PKHD1L1: variants seen among roughly 807,000 people sequenced by gnomAD.
The protein encoded by PKHD1L1 is PKHD1 like 1.
In PKHD1L1, 434 loss-of-function variants were observed where a neutral mutation model predicts 462.9. The ratio of observed to expected loss-of-function variants is 0.94; its 90% confidence interval spans 0.87 to 1.02. The LOEUF is 1.02. PKHD1L1 is among the 50% of genes least tolerant of loss of function. PKHD1L1 has a pLI of 0.00. For synonymous variants in PKHD1L1, 1,781 were observed against 1,750.0 expected (o/e 1.02, Z -0.44); for missense variants, 5,202 against 5,096.1 (o/e 1.02, Z -0.63).
At chr8:109,431,308 T>C (rs749518307) in intron 27 of PKHD1L1, among the ~76,000 whole-genome samples, 2 of 151,714 alleles carry the variant, frequency 1.3e-5, no homozygotes, top group Non-Finnish European at 2.9e-5. Context: ...TAAAGAAAAC[T>C]ACAAAAATAC....
intron 68 of PKHD1L1, among the ~76,000 whole-genome samples, chr8:109,505,868 G>A (rs1484599552): frequency 6.6e-6 from 1 of 152,202 alleles, no homozygotes; most frequent in East Asian, 1.9e-4. Flanking sequence ...TCACACCACT[G>A]CACTTCAGCT....
rs904734551 is a variant in PKHD1L1, at chr8:109,403,943, T to A, written c.1374-611T>A. On this transcript the variant is annotated intron_variant, in intron 14 of 77. Transcript: ENST00000378402. ...TGCTCAGTGAAGGCACTACCTTGGG[T>A]ACACAGTAGGATGAGGGGCAGGAGA... is the stretch of plus-strand genomic sequence containing the variant. Among the ~76,000 whole-genome samples the A allele has an allele frequency of 7.2e-5, 11 of 152,090 alleles. 1 individual carries two copies. The highest frequency in any genetic ancestry group is 6.6e-4 in the Admixed American group (10 of 15,234).
rs369578439 is a variant in PKHD1L1, at chr8:109,491,061, G to A, written c.10074G>A (p.Leu3358=). 2 of 1,609,606 alleles carry A rather than the reference G, an allele frequency of 1.2e-6. No homozygotes were observed. The highest frequency in any genetic ancestry group is 3.3e-5 in the Admixed American group (2 of 59,858). Residue 3358 remains leucine (L), a synonymous_variant, in exon 61 of 78, where the codon TTG becomes TTA. Transcript: ENST00000378402. ...PAIGVFGTDG[L]DIDDNIIHFT... ...TTGGTGTATTTGGGACAGATGGATT[G>A]GACATAGATGACAACATCATTCACT...
At chr8:109,497,122 A>G (rs368838260) in intron 64 of PKHD1L1, 28 bp from the exon 65 acceptor site, 1 of 1,613,238 alleles carries the variant, frequency 6.2e-7, no homozygotes, top group Non-Finnish European at 8.5e-7. Context: ...TGTCCTTAGT[A>G]TTATGTAACC....
At chr8:109,521,874 C>A (rs925887332) in intron 73 of PKHD1L1, among the ~76,000 whole-genome samples, 3 of 152,034 alleles carry the variant, frequency 2.0e-5, no homozygotes, top group Non-Finnish European at 4.4e-5. Flanking sequence ...CATTGGTAAA[C>A]AAAGATTGGT....
chr8:109,526,906 T>A lies in PKHD1L1; in HGVS notation c.12607T>A (p.Ser4203Thr). 6.2e-7 allele frequency: 1 copy of A among 1,613,208 alleles called. No homozygotes were observed. Among genetic ancestry groups the A allele is most frequent in the Non-Finnish European group, 8.5e-7 (1 of 1,179,592 alleles). ...CAGCAGCAGCAGCAACAGCAAAGCA[T>A]CAACTGTGGGTACATATGCCCAGAT... is the stretch of plus-strand genomic sequence containing the variant. ...GSSSSSNSKA[S>T]TVGTYAQIMT... is the part of the protein sequence containing the mutation. The change falls in exon 77 of 78, where the codon TCA becomes ACA. Residue 4203 changes from serine (S) to threonine (T), a missense_variant. By Grantham distance (58) the Ser-to-Thr change is moderately conservative. Around this residue, in one of 3 missense-constraint regions of PKHD1L1, gnomAD observed 698 missense variants for 736.3 expected, o/e 0.95. Transcript: ENST00000378402.
At chr8:109,371,113 CCCA>C (rs1258192917) in intron 2 of PKHD1L1, among the ~76,000 whole-genome samples, 1 of 152,206 alleles carries the variant, frequency 6.6e-6, no homozygotes, top group Non-Finnish European at 1.5e-5. Context: ...AGTTTACACT[CCCA>C]CCAACAGTGT....
chr8:109,374,834 T>C (rs1436743808), intron 2 of PKHD1L1, among the ~76,000 whole-genome samples: 1 of 152,212 alleles, frequency 6.6e-6, no homozygotes, highest in Non-Finnish European at 1.5e-5. Flanking sequence ...TGGCCCCCAC[T>C]CTCTTCTGGC....
intron 60 of PKHD1L1, 140 bp from the exon 61 acceptor site, chr8:109,490,832 G>A: frequency 5.9e-6 from 4 of 680,308 alleles, no homozygotes; most frequent in Non-Finnish European, 8.7e-6. Context: ...AAGACTTATG[G>A]AGAAATCATC....
intron 57 of PKHD1L1, among the ~76,000 whole-genome samples, chr8:109,483,916 A>G (rs1007161660): frequency 3.3e-5 from 5 of 151,812 alleles, no homozygotes; most frequent in South Asian, 2.1e-4. Flanking sequence ...CTCATAAACT[A>G]TGCACAAGCC....
chr8:109,482,892 CATA>C (rs1390191976), intron 56 of PKHD1L1, 92 bp from the exon 57 acceptor site: 2 of 722,880 alleles, frequency 2.8e-6, no homozygotes, highest in Non-Finnish European at 4.2e-6. Context: ...TGTTTAATCA[CATA>C]ATAAAATATA....
chr8:109,518,164 T>C lies in PKHD1L1; in HGVS notation c.11690-3T>C, dbSNP rs773151456. 6.5e-7 allele frequency: 1 copy of C among 1,547,518 alleles called. No homozygotes were observed. The highest frequency in any genetic ancestry group is 8.9e-7 in the Non-Finnish European group (1 of 1,128,888). ...GTGATGTTCTGGCTTTTTTCCTTCATAGACCAATTCCTTCCTAACCTGGAT... is the reference window on the plus strand; with the variant it reads ...GTGATGTTCTGGCTTTTTTCCTTCACAGACCAATTCCTTCCTAACCTGGAT... On this transcript the variant is annotated splice_polypyrimidine_tract_variant and splice_region_variant and intron_variant, in intron 72 of 77. Coordinates refer to ENST00000378402, the MANE Select transcript of PKHD1L1 (RefSeq NM_177531.6).
chr8:109,404,696 A>G lies in PKHD1L1; in HGVS notation c.1516A>G (p.Ile506Val), dbSNP rs1563742246. 1.9e-6 allele frequency: 3 copies of G among 1,604,454 alleles called. No homozygotes were observed. Among genetic ancestry groups the G allele is most frequent in the African/African-American group, 1.3e-5 (1 of 74,652 alleles). ...ACAAGTTATCAAATCCCAGTCGACA[A>G]TCCTCCAGGAAGTACAGGTTTGCTA... ...EEQVIKSQST[I>V]LQEVQVITLE... is the part of the protein sequence containing the mutation. The change falls in exon 15 of 78, where the codon ATC (isoleucine) becomes GTC (valine). Residue 506 changes from isoleucine (I) to valine (V), a missense_variant. Physicochemically the swap from Ile to Val is conservative, Grantham distance 29. Coordinates refer to ENST00000378402, the MANE Select transcript of PKHD1L1 (RefSeq NM_177531.6).
intron 27 of PKHD1L1, among the ~76,000 whole-genome samples, chr8:109,431,842 G>T (rs937607556): frequency 1.3e-5 from 2 of 151,972 alleles, no homozygotes; most frequent in African/African-American, 4.8e-5. Context: ...ATACCCAGAC[G>T]TGCTATTACT....
At chr8:109,446,678 A>C (rs186097649) in intron 38 of PKHD1L1, among the ~76,000 whole-genome samples, 7 of 152,326 alleles carry the variant, frequency 4.6e-5, no homozygotes, top group African/African-American at 1.7e-4. Context: ...GGTTGTAATC[A>C]TTGCAAATAA....
intron 2 of PKHD1L1, among the ~76,000 whole-genome samples, chr8:109,375,117 C>T (rs1811742711): frequency 6.6e-6 from 1 of 152,234 alleles, no homozygotes; most frequent in South Asian, 2.1e-4. Flanking sequence ...GTTCCATTCT[C>T]CCAGTCACTT....
chr8:109,383,451 GTA>G (rs1491453529), intron 4 of PKHD1L1, among the ~76,000 whole-genome samples: 3 of 119,098 alleles, frequency 2.5e-5, no homozygotes, highest in Non-Finnish European at 3.3e-5. Flanking sequence ...TATATTATAA[GTA>G]TATATAATAT....
At chr8:109,407,525 T>C (rs2130575485) in intron 17 of PKHD1L1, among the ~76,000 whole-genome samples, 1 of 152,218 alleles carries the variant, frequency 6.6e-6, no homozygotes, top group African/African-American at 2.4e-5. Context: ...AGAGAGACAT[T>C]TGAGGACAGG....
In PKHD1L1 at chr8:109,534,568, A is replaced by C. The variant is rs1464875274; in HGVS notation, c.*4478A>C. On this transcript the variant is annotated 3_prime_UTR_variant, in exon 78 of 78. Coordinates refer to ENST00000378402, the MANE Select transcript of PKHD1L1 (RefSeq NM_177531.6). ...GTCTTGCCCTTTTTCTAAGATCATC[A>C]GTGGGCATTTTCAGCTTCCCCATTA... Among the ~76,000 whole-genome samples the C allele has an allele frequency of 6.6e-6, 1 of 152,112 alleles. No homozygotes were observed. Among genetic ancestry groups the C allele is most frequent in the East Asian group, 1.9e-4 (1 of 5,186 alleles).
Sources: allele counts gnomAD v4.1 joint callset (sites outside exome capture counted in the v4.1 genomes callset), GRCh38; gene constraint gnomAD v4.1.1; regional missense constraint gnomAD v4.1.1; transcripts MANE v1.5; gene names NCBI Gene and HGNC (gene_info 2026-07-23, HGNC 2026-07-21).